Variants in GCG observed in about 807,000 individuals in gnomAD.
GCG encodes glucagon.
GCG carries 11 observed loss-of-function variants against 22.8 expected under a neutral mutation model. The observed-to-expected ratio is 0.48, with a 90% CI of 0.30 to 0.80. The LOEUF is 0.80. Among genes scored for constraint, GCG ranks in the 30% least tolerant of loss-of-function variants. The pLI, the probability that GCG is intolerant of heterozygous loss-of-function variation, is 0.06. For synonymous variants in GCG, 89 were observed against 72.4 expected (o/e 1.23, Z -1.16); for missense variants, 222 against 222.0 (o/e 1.00, Z 0.00).
At chr2:162,149,217 A>AG (rs1342506887) in intron 1 of GCG, 30 bp from the exon 2 acceptor site, 2 of 1,255,482 alleles carry the variant, frequency 1.6e-6, no homozygotes, top group Admixed American at 3.5e-5. Flanking sequence ...GGGTAGGGTG[A>AG]GGGGGGCAGG....
chr2:162,143,995 A>G (rs776131329), intron 5 of GCG, 32 bp downstream of exon 5: 2 of 1,597,732 alleles, frequency 1.3e-6, no homozygotes, highest in African/African-American at 2.7e-5. Context: ...TGAGAATTTG[A>G]TGGTTTTCAG....
chr2:162,151,810 C>A (rs1431086878), intron 1 of GCG, among the ~76,000 whole-genome samples: 2 of 152,108 alleles, frequency 1.3e-5, no homozygotes, highest in Admixed American at 6.6e-5. Flanking sequence ...GTATACAGAT[C>A]TATCAAGTCC....
intron 2 of GCG, among the ~76,000 whole-genome samples, chr2:162,148,647 G>A (rs1686755917): frequency 6.6e-6 from 1 of 152,050 alleles, no homozygotes; most frequent in East Asian, 1.9e-4. Context: ...TTTGGACAGA[G>A]GAATTTTGAG....
chr2:162,147,229 C>G, intron 3 of GCG, 124 bp downstream of exon 3: 5 of 769,170 alleles, frequency 6.5e-6, no homozygotes, highest in Non-Finnish European at 1.1e-5. Flanking sequence ...CCCTAAACAT[C>G]TTCAAAATGA....
chr2:162,143,877 T>C, intron 5 of GCG, 150 bp downstream of exon 5: 1 of 680,626 alleles, frequency 1.5e-6, no homozygotes, highest in Non-Finnish European at 2.6e-6. Flanking sequence ...CATAATGATG[T>C]ACTCTTATAT....
chr2:162,147,201 T>C (rs1016171703), intron 3 of GCG, among the ~76,000 whole-genome samples, 152 bp downstream of exon 3: 2 of 152,086 alleles, frequency 1.3e-5, no homozygotes, highest in African/African-American at 4.8e-5. Flanking sequence ...GGCATAATAC[T>C]AAGGAGAGCA....
intron 3 of GCG, among the ~76,000 whole-genome samples, chr2:162,146,980 A>G (rs1400640704): frequency 6.6e-6 from 1 of 152,152 alleles, no homozygotes; most frequent in Non-Finnish European, 1.5e-5. Flanking sequence ...GTTGGGTTTG[A>G]ACCCCACGAA....
intron 3 of GCG, among the ~76,000 whole-genome samples, chr2:162,146,006 C>G (rs1461228008): frequency 6.6e-6 from 1 of 152,276 alleles, no homozygotes; most frequent in Middle Eastern, 3.4e-3. Flanking sequence ...ATCCACTGCA[C>G]TATGTGACTT....
At position 162,151,386 on chromosome 2, in the gene GCG, T is replaced by G. The variant is rs571508918; in HGVS notation, c.-10+772A>C. ...ATGGAAAAATACACCACTTAATCAT[T>G]TACTCCATCAAAGATCTTTGTAAAT... is the stretch of plus-strand genomic sequence containing the variant. On this transcript the variant is annotated intron_variant, in intron 1 of 5. Transcript: ENST00000418842. Among the ~76,000 whole-genome samples the G allele has an allele frequency of 3.3e-5, 5 of 152,262 alleles. No homozygotes were observed. In the East Asian group the frequency reaches 9.6e-4, roughly 29 times the overall value.
In GCG at chr2:162,144,101, C is replaced by T. The variant is rs774143098; in HGVS notation, c.462G>A (p.Glu154=). The part of the protein sequence containing the change: ...RRHADGSFSD[E]MNTILDNLAA... ...CAAGATTATCAAGAATGGTGTTCAT[C>T]TCATCAGAGAAAGAACCATCAGCAT... The change falls in exon 5 of 6, where the codon GAG becomes GAA. Residue 154 remains glutamate (E), a synonymous_variant. Coordinates refer to ENST00000418842, the MANE Select transcript of GCG (RefSeq NM_002054.5). 1 of 1,611,708 alleles carries T rather than the reference C, an allele frequency of 6.2e-7. No individual in the cohort carries two copies. The highest frequency in any genetic ancestry group is 8.5e-7 in the Non-Finnish European group (1 of 1,177,934).
At chr2:162,148,543 CA>C (rs764840795) in intron 2 of GCG, among the ~76,000 whole-genome samples, 6 of 152,032 alleles carry the variant, frequency 3.9e-5, no homozygotes, top group Admixed American at 2.6e-4. Context: ...AAGCATGATA[CA>C]AAGCCATATA....
chr2:162,144,254 C>A, intron 4 of GCG, 84 bp from the exon 5 acceptor site: 1 of 1,076,264 alleles, frequency 9.3e-7, no homozygotes, highest in Non-Finnish European at 1.4e-6. Context: ...GTAACATGCA[C>A]AAGTGTCTTG....
chr2:162,147,012 CTTTTGG>C (rs1686704837), intron 3 of GCG, among the ~76,000 whole-genome samples: 2 of 152,184 alleles, frequency 1.3e-5, no homozygotes, highest in African/African-American at 4.8e-5. Flanking sequence ...TTTGCTCTAT[CTTTTGG>C]TAGAAATTAG....
At chr2:162,145,771 T>C (rs180922900) in intron 3 of GCG, 94 bp from the exon 4 acceptor site, 15 of 994,018 alleles carry the variant, frequency 1.5e-5, no homozygotes, top group Non-Finnish European at 2.3e-5. Flanking sequence ...CAGGATTCTA[T>C]GTAGAAGGGG....
intron 4 of GCG, chr2:162,144,409 C>T: frequency 2.1e-6 from 1 of 471,124 alleles, no homozygotes; most frequent in Non-Finnish European, 3.8e-6. Flanking sequence ...CCTTTTCAAT[C>T]TTCTAGGCTG....
intron 2 of GCG, among the ~76,000 whole-genome samples, chr2:162,147,792 A>T (rs1238214782): frequency 6.6e-6 from 1 of 152,144 alleles, no homozygotes; most frequent in African/African-American, 2.4e-5. Context: ...TCTACTAATT[A>T]ATCTACTCAT....
intron 1 of GCG, among the ~76,000 whole-genome samples, chr2:162,150,833 T>C (rs1193463686): frequency 2.6e-5 from 4 of 152,088 alleles, no homozygotes; most frequent in Non-Finnish European, 5.9e-5. Context: ...TTGAGGAGGA[T>C]TTAGAGCAGG....
rs1483733221 is a variant in GCG, at chr2:162,143,339, A to C, written c.*25T>G. 8.1e-7 allele frequency: 1 copy of C among 1,230,738 alleles called. No homozygotes were observed. Among genetic ancestry groups the C allele is most frequent in the Admixed American group, 2.3e-5 (1 of 44,404 alleles). The allele number at this position is 1,230,738 out of a possible 1,614,324, so 76.2% of individuals were successfully genotyped here. ...CACGTGGCTAGCAGGTGATGTTGTG[A>C]AGATGATCTTGAATAGTGATATAGT... On this transcript the variant is annotated 3_prime_UTR_variant, in exon 6 of 6. Transcript: ENST00000418842.
At chr2:162,146,912 C>A (rs1221651629) in intron 3 of GCG, among the ~76,000 whole-genome samples, 2 of 152,212 alleles carry the variant, frequency 1.3e-5, no homozygotes, top group East Asian at 3.9e-4. Context: ...TTTTATTCTA[C>A]AAGAAAAGGA....
Sources: gnomAD v4.1 joint callset for allele counts (sites outside exome capture counted in the v4.1 genomes callset) on GRCh38, gnomAD v4.1.1 for gene constraint, MANE v1.5 for transcripts, NCBI Gene and HGNC (gene_info 2026-07-23, HGNC 2026-07-21) for gene names.